FHL3: variants seen among roughly 807,000 people sequenced by gnomAD.
FHL3 encodes four and a half LIM domains protein 3.
Under a neutral mutation model 34.3 loss-of-function variants are expected in FHL3, and 21 were observed. The ratio of observed to expected loss-of-function variants is 0.61; its 90% CI spans 0.43 to 0.88. The LOEUF is 0.88. FHL3 is among the 40% of genes least tolerant of loss of function. The probability of loss-of-function intolerance (pLI) is 0.00; values close to 1 mark genes in which losing one functional copy is unlikely to be tolerated. For synonymous variants in FHL3, 137 were observed against 144.6 expected, an observed-to-expected ratio of 0.95 and a Z score of 0.38; for missense variants, 333 against 373.7, an observed-to-expected ratio of 0.89 and a Z score of 0.90.
At chr1:38,003,799 G>C (rs909250922) in intron 1 of FHL3, among the ~76,000 whole-genome samples, 2 of 152,200 alleles carry the variant, frequency 1.3e-5, no homozygotes, top group Non-Finnish European at 2.9e-5. Context: ...CCCTGGTGAT[G>C]AAGCGGATGG....
Position 37,999,356 on chromosome 1 carries a change from G to A in FHL3, c.57C>T (p.Tyr19=). ...KCNESLYGRK[Y]IQTDSGPYCV... ...AGTAGGGGCCGCTGTCTGTCTGGAT[G>A]TACTTGCGTCCATACAGGGACTCGT... is the stretch of plus-strand genomic sequence containing the variant. The change falls in exon 2 of 6, where the codon TAC becomes TAT. Residue 19 remains tyrosine (Y), a synonymous_variant. Coordinates refer to ENST00000373016, the MANE Select transcript of FHL3 (RefSeq NM_004468.5). 6.2e-7 allele frequency: 1 copy of A among 1,614,276 alleles called. No individual in the cohort carries two copies. The highest frequency in any genetic ancestry group is 1.1e-5 in the South Asian group (1 of 91,084).
chr1:37,998,602 A>T (rs752106245), intron 3 of FHL3: 2 of 284,136 alleles, frequency 7.0e-6, no homozygotes, highest in Non-Finnish European at 1.4e-5. Flanking sequence ...ATAGGTGCTG[A>T]GTCCCAGCAT....
Position 37,997,976 on chromosome 1 carries a change from G to T in FHL3, c.488C>A (p.Ala163Asp), listed in dbSNP as rs895239579. ...CCCAGCCCCCACCTTGCTGCAGCGG[G>T]CGCAGCGAGGAGCAAACTTGTTCTC... ...CYENKFAPRC[A>D]RCSKTLTQGG... Residue 163 changes from alanine (A) to aspartate (D), a missense_variant, in exon 4 of 6, where the codon GCC (alanine) becomes GAC (aspartate). Ala to Asp is a moderately radical substitution (Grantham distance 126). Coordinates refer to ENST00000373016, the MANE Select transcript of FHL3 (RefSeq NM_004468.5). The surrounding 1 kb of genome is among the most constrained non-coding windows in gnomAD (Gnocchi z 4.3). The T allele has an allele frequency of 1.2e-6, 2 of 1,614,018 alleles. No homozygotes were observed. Among genetic ancestry groups the T allele is most frequent in the Non-Finnish European group, 8.5e-7 (1 of 1,180,004 alleles).
Position 37,997,584 on chromosome 1 carries a change from A to ATGCAGATG in FHL3, c.689-33_689-26dup, listed in dbSNP as rs762600357. 6.2e-7 allele frequency: 1 copy of ATGCAGATG among 1,613,366 alleles called. No individual in the cohort carries two copies. Among genetic ancestry groups the ATGCAGATG allele is most frequent in the Admixed American group, 1.7e-5 (1 of 59,964 alleles). Reference sequence around the variant, plus strand: ...CCTGGAGGGAGGCTGGAAGTTAGCTATGCAGATGTGGGGATGGTCCGGCCC... The same window carrying ATGCAGATG: ...CCTGGAGGGAGGCTGGAAGTTAGCTATGCAGATGTGCAGATGTGGGGATGGTCCGGCCC... On this transcript the variant is annotated intron_variant, in intron 5 of 5. Coordinates refer to ENST00000373016, the MANE Select transcript of FHL3 (RefSeq NM_004468.5). This position sits in a 1 kb window ranked among gnomAD's most constrained non-coding sequence, Gnocchi z 4.3.
chr1:38,000,325 C>T (rs1445365755), intron 1 of FHL3, among the ~76,000 whole-genome samples: 4 of 152,128 alleles, frequency 2.6e-5, no homozygotes, highest in Non-Finnish European at 5.9e-5. Flanking sequence ...GCAGTGTACC[C>T]CCTGCCACCT....
Position 37,999,447 on chromosome 1 carries a change from AG to A in FHL3, c.-20-16del, listed in dbSNP as rs1423622087. ...GGGAGAGAACCCTGTTAGGAGCACAAGGTGGAACTGGGGTCACACAGAGAGG... is the reference window on the plus strand; with the variant it reads ...GGGAGAGAACCCTGTTAGGAGCACAAGTGGAACTGGGGTCACACAGAGAGG... On this transcript the variant is annotated splice_polypyrimidine_tract_variant and intron_variant, in intron 1 of 5. Transcript: ENST00000373016. 1.2e-6 allele frequency: 2 copies of A among 1,611,234 alleles called. No individual in the cohort carries two copies. The highest frequency in any genetic ancestry group is 3.3e-5 in the Admixed American group (2 of 59,892).
chr1:37,997,672 C>T lies in FHL3; in HGVS notation c.688+12G>A. 1 of 1,613,832 alleles carries T rather than the reference C, an allele frequency of 6.2e-7. No individual in the cohort carries two copies. Among genetic ancestry groups the T allele is most frequent in the Non-Finnish European group, 8.5e-7 (1 of 1,179,792 alleles). ...GCACCCTACCCACTCCGTTCTTTGA[C>T]CCTTGTCCCACCTACGATGGGGCGC... On this transcript the variant is annotated intron_variant, in intron 5 of 5. Coordinates refer to ENST00000373016, the MANE Select transcript of FHL3 (RefSeq NM_004468.5). The surrounding 1 kb of genome is among the most constrained non-coding windows in gnomAD (Gnocchi z 4.3).
rs778429342 is a variant in FHL3 at position 37,997,825 on chromosome 1, G to C, written c.547C>G (p.Arg183Gly). 1 of 1,613,976 alleles carries C rather than the reference G, an allele frequency of 6.2e-7. No homozygotes were observed. The highest frequency in any genetic ancestry group is 8.5e-7 in the Non-Finnish European group (1 of 1,179,990). The change falls in exon 5 of 6, where the codon CGA becomes GGA. Residue 183 changes from arginine (R) to glycine (G), a missense_variant. Arg to Gly is a moderately radical substitution (Grantham distance 125). Transcript: ENST00000373016. The surrounding 1 kb of genome is among the most constrained non-coding windows in gnomAD (Gnocchi z 4.3). The part of the protein sequence containing the change: ...GVTYRDQPWH[R>G]ECLVCTGCQT... The stretch of plus-strand genomic sequence containing the variant: ...CATCCGGTACAGACCAGACATTCTC[G>C]ATGCCACGGCTGATCACGGTATGTC...
Position 37,997,539 on chromosome 1 carries a change from C to T in FHL3, c.709G>A (p.Val237Met). Residue 237 changes from valine to methionine, a missense_variant, in exon 6 of 6, where the codon GTG (valine) becomes ATG (methionine). Transcript: ENST00000373016. The surrounding 1 kb of genome is among the most constrained non-coding windows in gnomAD (Gnocchi z 4.3). ...TGCCAGTGTCGGTCTTCAAAGGACA[C>T]ATACTTGCCTCCACCGAGTCCTGGA... ...PIVGLGGGKYVSFEDRHWHHN... is the reference protein window; with the variant it reads ...PIVGLGGGKYMSFEDRHWHHN... The T allele has an allele frequency of 3.1e-6, 5 of 1,613,516 alleles. No homozygotes were observed. The highest frequency in any genetic ancestry group is 4.2e-6 in the Non-Finnish European group (5 of 1,179,778).
intron 1 of FHL3, among the ~76,000 whole-genome samples, chr1:38,002,811 C>G (rs1481856072): frequency 6.6e-6 from 1 of 150,832 alleles, no homozygotes; most frequent in African/African-American, 2.4e-5. Context: ...GGGTCTCACT[C>G]TGTTGCCAGG....
chr1:38,001,704 C>T (rs1229187945), intron 1 of FHL3, among the ~76,000 whole-genome samples: 1 of 152,168 alleles, frequency 6.6e-6, no homozygotes, highest in Non-Finnish European at 1.5e-5. Flanking sequence ...GAGACTGCTC[C>T]TCTACAGATG....
At chr1:37,999,456 T>C (rs1238946184) in intron 1 of FHL3, 24 bp from the exon 2 acceptor site, 1 of 1,608,518 alleles carries the variant, frequency 6.2e-7, no homozygotes, top group Admixed American at 1.7e-5. Flanking sequence ...AAGGTGGAAC[T>C]GGGGTCACAC....
At chr1:37,998,890 C>G in intron 3 of FHL3, 84 bp downstream of exon 3, 1 of 1,425,432 alleles carries the variant, frequency 7.0e-7, no homozygotes. Context: ...TTACACAGAC[C>G]AAGTCTCCAT....
intron 1 of FHL3, among the ~76,000 whole-genome samples, chr1:38,000,327 CT>C (rs1214266606): frequency 6.6e-6 from 1 of 152,172 alleles, no homozygotes; most frequent in African/African-American, 2.4e-5. Context: ...AGTGTACCCC[CT>C]GCCACCTCCT....
chr1:38,001,968 T>C (rs1285476240), intron 1 of FHL3, among the ~76,000 whole-genome samples: 4 of 152,200 alleles, frequency 2.6e-5, no homozygotes, highest in Admixed American at 2.6e-4. Flanking sequence ...GTGATGATAC[T>C]TGTAAAGCAC....
chr1:37,998,983 C>T lies in FHL3; in HGVS notation c.322G>A (p.Val108Ile), dbSNP rs775884671. 1.9e-6 allele frequency: 3 copies of T among 1,613,952 alleles called. No individual in the cohort carries two copies. Among genetic ancestry groups the T allele is most frequent in the African/African-American group, 1.3e-5 (1 of 75,054 alleles). Residue 108 changes from valine to isoleucine, a missense_variant, in exon 3 of 6, where the codon GTC becomes ATC. Physicochemically the swap from Val to Ile is conservative, Grantham distance 29. Coordinates refer to ENST00000373016, the MANE Select transcript of FHL3 (RefSeq NM_004468.5). Reference sequence around the variant, plus strand: ...GCCCCTGAACACATACCAGGCATGACAGTCTCCCCACAAGCGGAGCACTGC... The same window carrying T: ...GCCCCTGAACACATACCAGGCATGATAGTCTCCCCACAAGCGGAGCACTGC... ...SSQCSACGET[V>I]MPGSRKLEYG...
At chr1:38,004,544 C>A (rs1570490062) in intron 1 of FHL3, among the ~76,000 whole-genome samples, 1 of 152,154 alleles carries the variant, frequency 6.6e-6, no homozygotes, top group African/African-American at 2.4e-5. Flanking sequence ...TCTGGGCACA[C>A]TTCAGTCTCT....
chr1:38,000,374 C>A (rs1169292522), intron 1 of FHL3, among the ~76,000 whole-genome samples: 1 of 152,140 alleles, frequency 6.6e-6, no homozygotes, highest in African/African-American at 2.4e-5. Flanking sequence ...TCTTTCCATC[C>A]CCTGGGGTCA....
chr1:37,998,808 C>T, intron 3 of FHL3, 166 bp downstream of exon 3: 2 of 669,404 alleles, frequency 3.0e-6, no homozygotes, highest in Non-Finnish European at 2.5e-6. Context: ...ACATAGTAGC[C>T]CCCAGGAGTA....
Sources: gnomAD v4.1 joint callset for allele counts (sites outside exome capture counted in the v4.1 genomes callset) on GRCh38, gnomAD v4.1.1 for gene constraint, Gnocchi (gnomAD v3.1) non-coding constraint, MANE v1.5 for transcripts, NCBI Gene and HGNC (gene_info 2026-07-23, HGNC 2026-07-21) for gene names.